Variants in PLCB1 observed in about 807,000 individuals in gnomAD.
PLCB1 encodes the protein 1-phosphatidylinositol 4,5-bisphosphate phosphodiesterase beta-1.
A neutral mutation model predicts 161.8 loss-of-function variants in PLCB1; 46 were observed. The observed-to-expected ratio is 0.28, with a 90% CI of 0.22 to 0.36. PLCB1 has a LOEUF of 0.36. PLCB1 is among the 10% of genes least tolerant of loss of function. PLCB1 has a pLI of 1.00. For synonymous variants in PLCB1, 517 were observed against 503.7 expected, an observed-to-expected ratio of 1.03 and a Z score of -0.35; for missense variants, 1,016 against 1,472.5, an observed-to-expected ratio of 0.69 and a Z score of 5.07.
At chr20:8,330,849 G>T (rs1393908634) in intron 2 of PLCB1, among the ~76,000 whole-genome samples, 2 of 152,180 alleles carry the variant, frequency 1.3e-5, no homozygotes, top group Non-Finnish European at 2.9e-5. Context: ...AAGGATAGAT[G>T]TAAAATACAA....
intron 31 of PLCB1, 26 bp downstream of exon 31, chr20:8,790,287 C>A (rs550363130): frequency 6.6e-7 from 1 of 1,523,730 alleles, no homozygotes; most frequent in Non-Finnish European, 9.0e-7. Context: ...TTAAAATGAA[C>A]AATTATTTTA....
Position 8,185,238 on chromosome 20 carries a change from C to G in PLCB1, c.177+34867C>G, listed in dbSNP as rs555323821. Among the ~76,000 whole-genome samples, 3 of 152,232 alleles carry G rather than the reference C, an allele frequency of 2.0e-5. No homozygotes were observed. The South Asian group carries it at 6.2e-4, about 32-fold the overall frequency. ...TGCTTAGCTTTTGACCCAATAATTT[C>G]TTTTCTGGGCATTTATCTTTTTATA... On this transcript the variant is annotated intron_variant, in intron 2 of 31. Transcript: ENST00000338037.
chr20:8,701,741 A>T (rs73895108), intron 11 of PLCB1, among the ~76,000 whole-genome samples: 4,656 of 152,186 alleles, frequency 0.031, 232 homozygotes, highest in African/African-American at 0.11. Flanking sequence ...AATGTTTTTG[A>T]ATGAATTTTC....
chr20:8,733,245 T>A lies in PLCB1; in HGVS notation c.1896T>A (p.Ala632=). ...VALNFQTMDL[A]MQINMGMYEY... is the part of the protein sequence containing the mutation. ...TGTGTTTTTGATACTCAGACCTGGC[T>A]ATGCAAATAAATATGGGGATGTATG... Residue 632 remains alanine (A), a synonymous_variant, in exon 19 of 32, where the codon GCT becomes GCA. Transcript: ENST00000338037. 6.2e-7 allele frequency: 1 copy of A among 1,613,846 alleles called. No individual in the cohort carries two copies. The highest frequency in any genetic ancestry group is 8.5e-7 in the Non-Finnish European group (1 of 1,179,814).
intron 3 of PLCB1, among the ~76,000 whole-genome samples, chr20:8,518,836 A>T (rs1470422407): frequency 6.6e-6 from 1 of 151,974 alleles, no homozygotes; most frequent in African/African-American, 2.4e-5. Context: ...GTTTTCCTGC[A>T]ACTAGATGGT....
rs552751419 is a variant in PLCB1 at position 8,195,682 on chromosome 20, A to G, written c.177+45311A>G. On this transcript the variant is annotated intron_variant, in intron 2 of 31. Coordinates refer to ENST00000338037, the MANE Select transcript of PLCB1 (RefSeq NM_015192.4). ...ACTCAATTTTCCCACAGTGAATTTA[A>G]TTGTTGTGACGTTATTTAGTCTTCT... Among the ~76,000 whole-genome samples the G allele has an allele frequency of 3.3e-4, 50 of 152,172 alleles. 1 individual carries two copies. The highest frequency in any genetic ancestry group is 1.2e-3 in the African/African-American group (49 of 41,536).
chr20:8,673,259 G>A (rs1179121320), intron 9 of PLCB1, among the ~76,000 whole-genome samples: 1 of 152,152 alleles, frequency 6.6e-6, no homozygotes, highest in Non-Finnish European at 1.5e-5. Context: ...AGCAAATTCG[G>A]AAGCTAAGAA....
chr20:8,658,227 C>T (rs1039974569), intron 8 of PLCB1, among the ~76,000 whole-genome samples: 1 of 152,088 alleles, frequency 6.6e-6, no homozygotes, highest in Non-Finnish European at 1.5e-5. Context: ...ATAAAAAAAC[C>T]TCTGTGTTCG....
chr20:8,658,763 C>T (rs1260476225), intron 9 of PLCB1, 59 bp downstream of exon 9: 13 of 1,407,158 alleles, frequency 9.2e-6, no homozygotes, highest in South Asian at 5.4e-5. Context: ...GGTAGTCACA[C>T]GCTGGGAGTT....
intron 9 of PLCB1, among the ~76,000 whole-genome samples, chr20:8,668,371 A>G (rs1306320035): frequency 6.6e-6 from 1 of 152,176 alleles, no homozygotes; most frequent in Admixed American, 6.5e-5. Context: ...ATTATCTCCA[A>G]GCTAGGGATA....
chr20:8,331,447 A>C (rs2122192815), intron 2 of PLCB1, among the ~76,000 whole-genome samples: 1 of 152,166 alleles, frequency 6.6e-6, no homozygotes, highest in East Asian at 1.9e-4. Flanking sequence ...CAGTCTGCTG[A>C]AGGCAAAGCC....
At chr20:8,444,477 T>G (rs1275779306) in intron 3 of PLCB1, among the ~76,000 whole-genome samples, 1 of 152,240 alleles carries the variant, frequency 6.6e-6, no homozygotes, top group African/African-American at 2.4e-5. Flanking sequence ...GTTCCAAGTC[T>G]TTGCAATTGT....
At chr20:8,876,374 G>C (rs1015927172) in intron 31 of PLCB1, among the ~76,000 whole-genome samples, 2 of 152,110 alleles carry the variant, frequency 1.3e-5, no homozygotes, top group African/African-American at 2.4e-5. Context: ...AGGCTCCAAG[G>C]CATAGCCTAC....
At chr20:8,801,939 A>G (rs902665472) in intron 31 of PLCB1, 10 of 725,606 alleles carry the variant, frequency 1.4e-5, no homozygotes, top group East Asian at 2.7e-5. Context: ...AGGAGTTAAA[A>G]CTGTACTCTA....
At chr20:8,278,515 G>GA in intron 2 of PLCB1, among the ~76,000 whole-genome samples, 1 of 151,610 alleles carries the variant, frequency 6.6e-6, no homozygotes, top group Middle Eastern at 3.4e-3. Context: ...GACAGATAAT[G>GA]CACTGGGAAA....
At chr20:8,699,131 AAT>A (rs935655789) in intron 11 of PLCB1, among the ~76,000 whole-genome samples, 1 of 152,168 alleles carries the variant, frequency 6.6e-6, no homozygotes, top group African/African-American at 2.4e-5. Context: ...TTTAAATGGG[AAT>A]CAGAAGAGAA....
At chr20:8,369,423 G>T (rs1007613043) in intron 2 of PLCB1, among the ~76,000 whole-genome samples, 1 of 152,176 alleles carries the variant, frequency 6.6e-6, no homozygotes, top group Non-Finnish European at 1.5e-5. Context: ...TATTTTGGTT[G>T]TCATTGCTGT....
Position 8,230,992 on chromosome 20 carries a change from T to C in PLCB1, c.177+80621T>C, listed in dbSNP as rs368493178. 9.9e-4 allele frequency among the ~76,000 whole-genome samples: 151 copies of C among 152,204 alleles called. No individual in the cohort carries two copies. In the Middle Eastern group the frequency reaches 0.02, roughly 21 times the overall value. On this transcript the variant is annotated intron_variant, in intron 2 of 31. Transcript: ENST00000338037. ...CCATCACCCTCATTGTTCCTTTACC[T>C]TGACCACTATTTTTCCATTCCCTTC...
At chr20:8,200,821 C>A (rs1191272837) in intron 2 of PLCB1, among the ~76,000 whole-genome samples, 1 of 151,944 alleles carries the variant, frequency 6.6e-6, no homozygotes, top group Non-Finnish European at 1.5e-5. Context: ...TCTGATCTTA[C>A]AGGGAAGGCT....
Sources: allele counts gnomAD v4.1 joint callset (sites outside exome capture counted in the v4.1 genomes callset), GRCh38; gene constraint gnomAD v4.1.1; transcripts MANE v1.5; gene names NCBI Gene and HGNC (gene_info 2026-07-23, HGNC 2026-07-21).